The following RPTOR variants were observed in gnomAD, a reference collection of about 807,000 sequenced individuals.
The protein encoded by RPTOR is regulatory associated protein of MTOR complex 1.
In RPTOR, 21 loss-of-function variants were observed where a neutral mutation model predicts 169.9. The ratio of observed to expected loss-of-function variants is 0.12; its 90% CI spans 0.09 to 0.18. The LOEUF (loss-of-function observed/expected upper bound fraction) is 0.18. RPTOR is among the 10% of genes least tolerant of loss of function. The probability of loss-of-function intolerance (pLI) is 1.00; values close to 1 mark genes in which losing one functional copy is unlikely to be tolerated. For missense variants in RPTOR, 1,133 were observed against 1,855.9 expected (o/e 0.61, Z 7.16); for synonymous variants, 732 against 753.2 (o/e 0.97, Z 0.46).
At position 80,722,150 on chromosome 17, in the gene RPTOR, G is replaced by C. The variant is rs552958972; in HGVS notation, c.508-8410G>C. ...CCTTTCCTTCCCTCCAAGCCTTTGTGTGGCACGTTCTTGGCATGTTGCAAA... is the reference window on the plus strand; with the variant it reads ...CCTTTCCTTCCCTCCAAGCCTTTGTCTGGCACGTTCTTGGCATGTTGCAAA... On this transcript the variant is annotated intron_variant, in intron 4 of 33. Transcript: ENST00000306801. Among the ~76,000 whole-genome samples the C allele has an allele frequency of 3.3e-5, 5 of 150,864 alleles. No homozygotes were observed. In the South Asian group the frequency reaches 1.0e-3, roughly 31 times the overall value.
intron 20 of RPTOR, among the ~76,000 whole-genome samples, chr17:80,899,585 G>A (rs752928541): frequency 1.3e-5 from 2 of 152,230 alleles, no homozygotes; most frequent in Non-Finnish European, 2.9e-5. Flanking sequence ...CTTCCGTCAC[G>A]TGTAGGTTAG....
At chr17:80,566,380 G>A (rs2064840612) in intron 1 of RPTOR, among the ~76,000 whole-genome samples, 1 of 152,016 alleles carries the variant, frequency 6.6e-6, no homozygotes, top group African/African-American at 2.4e-5. Flanking sequence ...GCAAAACAAG[G>A]CACAGAACAG....
rs961182642 is a variant in RPTOR, at chr17:80,823,240, C to A, written c.1136+17C>A. 2 of 1,610,554 alleles carry A rather than the reference C, an allele frequency of 1.2e-6. No homozygotes were observed. The highest frequency in any genetic ancestry group is 1.3e-5 in the African/African-American group (1 of 74,862). The stretch of plus-strand genomic sequence containing the variant: ...CGCCATGTGGTGAGTGTTTCAGGAT[C>A]CTCCAGGTGCCGTGCTCCCCCGCCC... On this transcript the variant is annotated intron_variant, in intron 9 of 33. Transcript: ENST00000306801. This position sits in a 1 kb window ranked among gnomAD's most constrained non-coding sequence, Gnocchi z 4.5.
At chr17:80,648,254 TG>T (rs1264524720) in intron 3 of RPTOR, among the ~76,000 whole-genome samples, 3 of 152,132 alleles carry the variant, frequency 2.0e-5, no homozygotes, top group Admixed American at 6.5e-5. Flanking sequence ...GGAGGGGGTT[TG>T]GGGAGCAAGG....
rs866586361 is a variant in RPTOR at position 80,743,795 on chromosome 17, T to G, written c.655-10215T>G. Reference sequence around the variant, plus strand: ...TGGTTACTAGCAGAGCCCTGGCTACTAGCACAGCCCTGGCTACTAGCAGAG... The same window carrying G: ...TGGTTACTAGCAGAGCCCTGGCTACGAGCACAGCCCTGGCTACTAGCAGAG... On this transcript the variant is annotated intron_variant, in intron 5 of 33. Coordinates refer to ENST00000306801, the MANE Select transcript of RPTOR (RefSeq NM_020761.3). Among the ~76,000 whole-genome samples, 188 of 108,588 alleles carry G rather than the reference T, an allele frequency of 1.7e-3. 2 individuals carry two copies. The highest frequency in any genetic ancestry group is 5.4e-3 in the African/African-American group (154 of 28,432). The allele number at this position is 108,588 out of a possible 152,430, so 71.2% of individuals were successfully genotyped here. A position where few individuals can be genotyped will look rare whatever the true frequency, so the allele number is the denominator to read the frequency against.
At chr17:80,922,212 C>T (rs2068753791) in intron 21 of RPTOR, among the ~76,000 whole-genome samples, 2 of 152,234 alleles carry the variant, frequency 1.3e-5, no homozygotes, top group African/African-American at 2.4e-5. Context: ...AATGCCACAT[C>T]GCCCGGCTCC....
intron 3 of RPTOR, among the ~76,000 whole-genome samples, chr17:80,683,799 A>G (rs1017709832): frequency 6.6e-6 from 1 of 152,122 alleles, no homozygotes; most frequent in Non-Finnish European, 1.5e-5. Context: ...CTGTTGAGCA[A>G]TTCCTTGCTT....
At chr17:80,890,370 C>T (rs1185346894) in intron 17 of RPTOR, among the ~76,000 whole-genome samples, 1 of 152,250 alleles carries the variant, frequency 6.6e-6, no homozygotes, top group Non-Finnish European at 1.5e-5. Context: ...GGCCCCGTCT[C>T]GGCAGTGCCT....
intron 5 of RPTOR, among the ~76,000 whole-genome samples, chr17:80,749,134 G>A (rs1419568988): frequency 6.1e-5 from 1 of 16,306 alleles, no homozygotes. Flanking sequence ...AGGCCGTGGC[G>A]GGAGGGCCTG....
At chr17:80,747,923 G>A (rs1245105866) in intron 5 of RPTOR, among the ~76,000 whole-genome samples, 3 of 152,238 alleles carry the variant, frequency 2.0e-5, no homozygotes, top group Non-Finnish European at 4.4e-5. Context: ...TGGAGGGACT[G>A]CAGTGTTTAG....
At chr17:80,891,288 G>A (rs1035952648) in intron 17 of RPTOR, among the ~76,000 whole-genome samples, 40 of 152,356 alleles carry the variant, frequency 2.6e-4, no homozygotes, top group African/African-American at 8.9e-4. Context: ...CGCTGCACTC[G>A]GCCCTGGGGC....
chr17:80,585,198 TA>T (rs2065049266), intron 1 of RPTOR, among the ~76,000 whole-genome samples: 1 of 147,790 alleles, frequency 6.8e-6, no homozygotes, highest in African/African-American at 2.5e-5. Flanking sequence ...TTATTATTAT[TA>T]TTATTTTTGT....
In RPTOR at chr17:80,966,243, G is replaced by T. The variant is rs116605408; in HGVS notation, c.*1913G>T. 5.5e-3 allele frequency: 1,277 copies of T among 232,662 alleles called. 20 individuals are homozygous for T. Among genetic ancestry groups the T allele is most frequent in the African/African-American group, 0.026 (1,174 of 45,394 alleles). The allele number at this position is 232,662 out of a possible 1,614,324, so 14.4% of individuals were successfully genotyped here. On this transcript the variant is annotated 3_prime_UTR_variant, in exon 34 of 34. Transcript: ENST00000306801. ...ACGACGTTAACCGGCTCGAGAGAGC[G>T]CCGGCCTAGAGGCTCATTATCTATT...
chr17:80,854,644 T>A (rs56215072), intron 11 of RPTOR, among the ~76,000 whole-genome samples: 9,250 of 152,356 alleles, frequency 0.061, 893 homozygotes, highest in African/African-American at 0.21. Context: ...CTGTAATCCC[T>A]ACACTTCGGG....
intron 2 of RPTOR, among the ~76,000 whole-genome samples, chr17:80,641,512 TTAAA>T (rs1182010723): frequency 6.6e-6 from 1 of 152,218 alleles, no homozygotes; most frequent in Non-Finnish European, 1.5e-5. Context: ...AAAATAATAA[TTAAA>T]TAATGCCAAA....
intron 1 of RPTOR, among the ~76,000 whole-genome samples, chr17:80,589,971 C>A (rs569304670): frequency 6.6e-6 from 1 of 152,312 alleles, no homozygotes; most frequent in South Asian, 2.1e-4. Flanking sequence ...TTTTTCTTAT[C>A]CCAAAGGGGA....
At chr17:80,896,936 T>G (rs1406290764) in intron 20 of RPTOR, among the ~76,000 whole-genome samples, 1 of 152,252 alleles carries the variant, frequency 6.6e-6, no homozygotes, top group Non-Finnish European at 1.5e-5. Context: ...AGTAATATCT[T>G]TTTTAAAACC....
intron 7 of RPTOR, among the ~76,000 whole-genome samples, chr17:80,813,158 C>T (rs1247306141): frequency 6.6e-6 from 1 of 152,166 alleles, no homozygotes. Flanking sequence ...ATTATGATCA[C>T]TCAAAGTCTG....
chr17:80,940,107 T>C (rs2069005343), intron 24 of RPTOR, among the ~76,000 whole-genome samples: 1 of 152,176 alleles, frequency 6.6e-6, no homozygotes, highest in Non-Finnish European at 1.5e-5. Context: ...AGAGGTGCCT[T>C]CATCTGAAAA....
Sources: gnomAD v4.1 joint callset for allele counts (sites outside exome capture counted in the v4.1 genomes callset) on GRCh38, gnomAD v4.1.1 for gene constraint, Gnocchi (gnomAD v3.1) non-coding constraint, MANE v1.5 for transcripts, NCBI Gene and HGNC (gene_info 2026-07-23, HGNC 2026-07-21) for gene names.